MAP2: variants seen among roughly 807,000 people sequenced by gnomAD.
MAP2 encodes microtubule associated protein 2.
A neutral mutation model predicts 137.6 loss-of-function variants in MAP2; 14 were observed. The ratio of observed to expected loss-of-function variants is 0.10; its 90% CI spans 0.07 to 0.16. The LOEUF is 0.16. Among genes scored for constraint, MAP2 ranks in the 10% least tolerant of loss-of-function variants. The pLI is 1.00. For missense variants in MAP2, 2,088 were observed against 2,191.5 expected, an observed-to-expected ratio of 0.95 and a Z score of 0.94; for synonymous variants, 786 against 782.3, an observed-to-expected ratio of 1.00 and a Z score of -0.08.
At chr2:209,552,609 TC>T (rs2069444333) in intron 2 of MAP2, among the ~76,000 whole-genome samples, 1 of 152,140 alleles carries the variant, frequency 6.6e-6, no homozygotes, top group Non-Finnish European at 1.5e-5. Context: ...ATGCCTGTAA[TC>T]CCAGCACTTT....
chr2:209,524,369 A>G (rs916352658), intron 2 of MAP2, among the ~76,000 whole-genome samples: 3 of 151,750 alleles, frequency 2.0e-5, no homozygotes, highest in African/African-American at 7.3e-5. Flanking sequence ...AGAGTCAGGG[A>G]GAGTTTTCAA....
At chr2:209,645,340 T>C (rs1389579691) in intron 4 of MAP2, among the ~76,000 whole-genome samples, 1 of 152,208 alleles carries the variant, frequency 6.6e-6, no homozygotes, top group Non-Finnish European at 1.5e-5. Flanking sequence ...TATTTGGCTG[T>C]CTCCAATATA....
At chr2:209,431,885 C>CT (rs1694371026) in intron 1 of MAP2, among the ~76,000 whole-genome samples, 1 of 152,166 alleles carries the variant, frequency 6.6e-6, no homozygotes, top group Non-Finnish European at 1.5e-5. Flanking sequence ...GCCAGCTACA[C>CT]TACTGTAAGC....
chr2:209,677,089 C>A (rs371656830), intron 5 of MAP2, among the ~76,000 whole-genome samples: 2 of 151,670 alleles, frequency 1.3e-5, no homozygotes, highest in East Asian at 3.9e-4. Flanking sequence ...GAAACCCCAC[C>A]CAGCAGCCTG....
intron 3 of MAP2, among the ~76,000 whole-genome samples, chr2:209,623,284 T>A (rs2091638102): frequency 6.6e-6 from 1 of 152,124 alleles, no homozygotes; most frequent in Non-Finnish European, 1.5e-5. Context: ...CTGTATTTTT[T>A]AAAAAAGGCA....
rs1338569921 is a variant in MAP2 at position 209,636,594 on chromosome 2, T to G, written c.-30+11465T>G. ...ATATATATATACACACACACACACT[T>G]ATAAGCAACAGAATTGAAAATATAA... On this transcript the variant is annotated intron_variant, in intron 4 of 15. Transcript: ENST00000682079. Among the ~76,000 whole-genome samples, 4 of 151,380 alleles carry G rather than the reference T, an allele frequency of 2.6e-5. No homozygotes were observed. In the South Asian group the frequency reaches 6.2e-4, roughly 24 times the overall value.
At chr2:209,488,589 G>A (rs994353637) in intron 1 of MAP2, among the ~76,000 whole-genome samples, 2 of 152,132 alleles carry the variant, frequency 1.3e-5, no homozygotes, top group Non-Finnish European at 2.9e-5. Flanking sequence ...TGGGATGCTC[G>A]AGCTTGGTGG....
At chr2:209,492,170 T>TAAAC (rs146452717) in intron 1 of MAP2, among the ~76,000 whole-genome samples, 124,690 of 151,808 alleles carry the variant, frequency 0.82, 52,332 homozygotes, top group Non-Finnish European at 0.93. Flanking sequence ...ATCCATCACA[T>TAAAC]AAAACCAATG....
At chr2:209,521,489 ACCCTTTTCTC>A (rs2150396198) in intron 2 of MAP2, among the ~76,000 whole-genome samples, 1 of 151,742 alleles carries the variant, frequency 6.6e-6, no homozygotes, top group South Asian at 2.1e-4. Context: ...TTGGATTGTA[ACCCTTTTCTC>A]TCCTTTTTAT....
At chr2:209,525,646 A>G (rs771944579) in intron 2 of MAP2, among the ~76,000 whole-genome samples, 2 of 152,282 alleles carry the variant, frequency 1.3e-5, no homozygotes, top group Non-Finnish European at 2.9e-5. Context: ...TACTCCTCAA[A>G]AGTTCCAACC....
intron 2 of MAP2, among the ~76,000 whole-genome samples, chr2:209,571,434 A>G (rs1040848693): frequency 6.6e-6 from 1 of 151,992 alleles, no homozygotes; most frequent in Admixed American, 6.6e-5. Context: ...CTGGAAGTTC[A>G]TATATTATTC....
At chr2:209,712,507 C>A (rs1342620007) in intron 13 of MAP2, among the ~76,000 whole-genome samples, 2 of 152,064 alleles carry the variant, frequency 1.3e-5, no homozygotes, top group Non-Finnish European at 2.9e-5. Context: ...TATGAGGTAA[C>A]TTTTTTGCAG....
intron 2 of MAP2, among the ~76,000 whole-genome samples, chr2:209,560,645 C>A (rs2071829764): frequency 6.6e-6 from 1 of 151,896 alleles, no homozygotes; most frequent in African/African-American, 2.4e-5. Flanking sequence ...TGCACCTTGC[C>A]AATGTTTATA....
rs549034579 is a variant in MAP2, at chr2:209,524,150, G to A, written c.-172+16509G>A. Among the ~76,000 whole-genome samples the A allele has an allele frequency of 2.9e-4, 44 of 152,126 alleles. No individual in the cohort carries two copies. In the Middle Eastern group the frequency reaches 0.01, roughly 36 times the overall value. On this transcript the variant is annotated intron_variant, in intron 2 of 15. Transcript: ENST00000682079. ...TTTAGCATTCTAGAAAGGTTGGCAT[G>A]GAAACCTTGAGAAGGCATTTTAGAT...
Position 209,552,473 on chromosome 2 carries a change from GT to G in MAP2, c.-171-27562del, listed in dbSNP as rs1272858257. 2.0e-5 allele frequency among the ~76,000 whole-genome samples: 3 copies of G among 152,104 alleles called. No individual in the cohort carries two copies. The East Asian group carries it at 5.8e-4, about 29-fold the overall frequency. ...TAGAATGAAATAAGCAATTCAATCT[GT>G]CACCCTTTTTGCATTTGTGTGTTAC... On this transcript the variant is annotated intron_variant, in intron 2 of 15. Transcript: ENST00000682079.
intron 1 of MAP2, among the ~76,000 whole-genome samples, chr2:209,471,989 C>T (rs1705855596): frequency 6.6e-6 from 1 of 152,126 alleles, no homozygotes; most frequent in Non-Finnish European, 1.5e-5. Context: ...ATTCTCCCCA[C>T]CACCACTTCA....
rs184079770 is a variant in MAP2 at position 209,453,176 on chromosome 2, C to T, written c.-222+28900C>T. ...TGATTAATACCCTGTTATTCCATCT[C>T]AGAATGACAAAATAAGTGTAGCGAT... On this transcript the variant is annotated intron_variant, in intron 1 of 15. Transcript: ENST00000682079. Among the ~76,000 whole-genome samples the T allele has an allele frequency of 3.2e-4, 48 of 152,222 alleles. 1 individual carries two copies. The highest frequency in any genetic ancestry group is 2.1e-3 in the Admixed American group (32 of 15,276).
chr2:209,728,244 A>T (rs2074795657), intron 14 of MAP2, among the ~76,000 whole-genome samples: 1 of 152,224 alleles, frequency 6.6e-6, no homozygotes, highest in South Asian at 2.1e-4. Flanking sequence ...CAAAAATAAG[A>T]TCACAAAGAA....
intron 1 of MAP2, among the ~76,000 whole-genome samples, chr2:209,475,239 C>T (rs1706902322): frequency 3.3e-5 from 5 of 152,050 alleles, no homozygotes; most frequent in Admixed American, 3.3e-4. Flanking sequence ...GTAAAACCAT[C>T]TTCTGATCAG....
Sources: gnomAD v4.1 joint callset for allele counts (sites outside exome capture counted in the v4.1 genomes callset) on GRCh38, gnomAD v4.1.1 for gene constraint, MANE v1.5 for transcripts, NCBI Gene and HGNC (gene_info 2026-07-23, HGNC 2026-07-21) for gene names.